FBN1: variants seen among roughly 807,000 people sequenced by gnomAD.
FBN1 encodes the protein fibrillin-1.
Under a neutral mutation model 365.1 loss-of-function variants are expected in FBN1, and 29 were observed. The observed-to-expected ratio is 0.08, with a 90% CI of 0.06 to 0.11. The LOEUF (loss-of-function observed/expected upper bound fraction) is 0.11. Ranked by LOEUF, FBN1 falls within the 10% of genes least tolerant of loss-of-function variation. The pLI, the probability that FBN1 is intolerant of heterozygous loss-of-function variation, is 1.00. For synonymous variants in FBN1, 1,210 were observed against 1,270.5 expected, an observed-to-expected ratio of 0.95 and a Z score of 1.01; for missense variants, 2,476 against 3,703.2, an observed-to-expected ratio of 0.67 and a Z score of 8.60.
At chr15:48,592,550 G>A (rs2044485725) in intron 6 of FBN1, among the ~76,000 whole-genome samples, 1 of 152,080 alleles carries the variant, frequency 6.6e-6, no homozygotes, top group South Asian at 2.1e-4. Context: ...GTACCACTGA[G>A]CTAAGAAGTG....
intron 6 of FBN1, among the ~76,000 whole-genome samples, chr15:48,580,758 G>A (rs1235354415): frequency 6.6e-6 from 1 of 152,172 alleles, no homozygotes; most frequent in Non-Finnish European, 1.5e-5. Context: ...GCTACCCAGA[G>A]TGATCCATTT....
intron 6 of FBN1, among the ~76,000 whole-genome samples, chr15:48,578,885 T>G (rs1454185166): frequency 7.3e-6 from 1 of 137,650 alleles, no homozygotes. Flanking sequence ...AGGGATAGCA[T>G]TGGGAGATAT....
intron 63 of FBN1, among the ~76,000 whole-genome samples, chr15:48,419,232 C>T (rs1271255867): frequency 6.6e-6 from 1 of 152,114 alleles, no homozygotes; most frequent in Admixed American, 6.5e-5. Context: ...GAGTGTCCAG[C>T]CAGGAGATGA....
chr15:48,584,041 G>C (rs150868384), intron 6 of FBN1, among the ~76,000 whole-genome samples: 2,022 of 152,230 alleles, frequency 0.013, 19 homozygotes, highest in Non-Finnish European at 0.022. Flanking sequence ...TAATTTCAGG[G>C]ATATGTGAAC....
chr15:48,596,520 C>T (rs1449369797), intron 5 of FBN1, 142 bp from the exon 6 acceptor site: 22 of 755,654 alleles, frequency 2.9e-5, no homozygotes, highest in Non-Finnish European at 4.6e-5. Context: ...TACAGTTACA[C>T]ATACTCAGAT....
intron 24 of FBN1, among the ~76,000 whole-genome samples, chr15:48,491,632 T>G (rs1369301512): frequency 6.6e-6 from 1 of 151,836 alleles, no homozygotes; most frequent in African/African-American, 2.4e-5. Context: ...ATTACAGGCG[T>G]GAGCCATCGC....
intron 2 of FBN1, among the ~76,000 whole-genome samples, chr15:48,620,367 C>G (rs953535965): frequency 3.3e-5 from 5 of 152,178 alleles, no homozygotes; most frequent in African/African-American, 4.8e-5. Context: ...AGTGCTTATC[C>G]TATTTCAGTC....
intron 32 of FBN1, among the ~76,000 whole-genome samples, chr15:48,480,165 T>C (rs978189223): frequency 1.3e-5 from 2 of 152,172 alleles, no homozygotes; most frequent in Admixed American, 6.5e-5. Flanking sequence ...CTCTTTCTTA[T>C]GGGGAATGAA....
chr15:48,521,226 A>C (rs1260713338), intron 9 of FBN1, among the ~76,000 whole-genome samples: 3 of 152,260 alleles, frequency 2.0e-5, no homozygotes, highest in Non-Finnish European at 4.4e-5. Context: ...TTAGGAAAAT[A>C]TGTAAATCTA....
chr15:48,503,015 C>T (rs1322876374), intron 17 of FBN1, among the ~76,000 whole-genome samples: 1 of 151,968 alleles, frequency 6.6e-6, no homozygotes, highest in African/African-American at 2.4e-5. Flanking sequence ...GAAAACCACA[C>T]CGGTCCGGGC....
At chr15:48,472,458 TAAAAAAAA>T in intron 35 of FBN1, 85 bp downstream of exon 35, 1 of 1,181,606 alleles carries the variant, frequency 8.5e-7, no homozygotes, top group South Asian at 1.3e-5. Flanking sequence ...CACCTCAGTT[TAAAAAAAA>T]AAAAAAAAAA....
chr15:48,489,839 G>T lies in FBN1; in HGVS notation c.3082+12C>A, dbSNP rs1225826092. The T allele has an allele frequency of 6.2e-7, 1 of 1,610,588 alleles. No individual in the cohort carries two copies. The highest frequency in any genetic ancestry group is 8.5e-7 in the Non-Finnish European group (1 of 1,176,872). On this transcript the variant is annotated intron_variant, in intron 25 of 65. Coordinates refer to ENST00000316623, the MANE Select transcript of FBN1 (RefSeq NM_000138.5). Reference sequence around the variant, plus strand: ...AGGGAGGCAATTGGCCATGGAAAACGTAACATTGTACCTTTGAAGAAAGGC... The same window carrying T: ...AGGGAGGCAATTGGCCATGGAAAACTTAACATTGTACCTTTGAAGAAAGGC...
chr15:48,421,883 A>G, intron 61 of FBN1, 69 bp downstream of exon 61: 1 of 1,338,782 alleles, frequency 7.5e-7, no homozygotes, highest in Non-Finnish European at 1.1e-6. Context: ...CCAACAGCAG[A>G]GGAAATAGAA....
At chr15:48,422,543 A>G (rs12594263) in intron 60 of FBN1, among the ~76,000 whole-genome samples, 3,756 of 152,344 alleles carry the variant, frequency 0.025, 82 homozygotes, top group East Asian at 0.081. Context: ...AAATGAAGTC[A>G]TCAAAAACAA....
intron 11 of FBN1, 105 bp from the exon 12 acceptor site, chr15:48,515,632 G>T: frequency 9.7e-6 from 14 of 1,450,436 alleles, no homozygotes; most frequent in Non-Finnish European, 1.3e-5. Context: ...AAGGAAAGAG[G>T]ATACTCTTTG....
chr15:48,430,636 T>C lies in FBN1; in HGVS notation c.6871+35A>G, dbSNP rs749780534. The C allele has an allele frequency of 4.3e-6, 7 of 1,612,754 alleles. No individual in the cohort carries two copies. The African/African-American group carries it at 6.7e-5, about 15-fold the overall frequency. On this transcript the variant is annotated intron_variant, in intron 56 of 65. Transcript: ENST00000316623. Reference sequence around the variant, plus strand: ...TCCTTCTGTCCACTGTCACTTCTGATGCACTCAAAGCTCCTTCCACAGGGA... The same window carrying C: ...TCCTTCTGTCCACTGTCACTTCTGACGCACTCAAAGCTCCTTCCACAGGGA...
At chr15:48,499,379 C>T (rs1215811250) in intron 17 of FBN1, among the ~76,000 whole-genome samples, 1 of 152,216 alleles carries the variant, frequency 6.6e-6, no homozygotes, top group Non-Finnish European at 1.5e-5. Context: ...GGTTTCTTAA[C>T]TGTTAATAAA....
intron 19 of FBN1, 131 bp from the exon 20 acceptor site, chr15:48,496,356 G>T: frequency 1.8e-6 from 2 of 1,105,218 alleles, no homozygotes; most frequent in Non-Finnish European, 2.7e-6. Flanking sequence ...AACTCCTGTA[G>T]CATTAGCTTT....
At chr15:48,457,785 C>A (rs754762408) in intron 43 of FBN1, among the ~76,000 whole-genome samples, 1 of 152,058 alleles carries the variant, frequency 6.6e-6, no homozygotes, top group African/African-American at 2.4e-5. Context: ...GAGATGGTCT[C>A]GGTACTATGA....
Sources: gnomAD v4.1 joint callset for allele counts (sites outside exome capture counted in the v4.1 genomes callset) on GRCh38, gnomAD v4.1.1 for gene constraint, MANE v1.5 for transcripts, NCBI Gene and HGNC (gene_info 2026-07-23, HGNC 2026-07-21) for gene names.